Variants in GLIS3 observed in about 807,000 individuals in gnomAD.
The protein encoded by GLIS3 is zinc finger protein GLIS3.
A neutral mutation model predicts 78.6 loss-of-function variants in GLIS3; 53 were observed. The ratio of observed to expected loss-of-function variants is 0.67; its 90% CI spans 0.54 to 0.85. The LOEUF is 0.85. GLIS3 is among the 40% of genes least tolerant of loss of function. The pLI is 0.00. For missense variants in GLIS3, 1,703 were observed against 1,231.1 expected (o/e 1.38, Z -5.74); for synonymous variants, 684 against 509.9 (o/e 1.34, Z -4.60).
chr9:4,169,655 G>A (rs1445505806), intron 2 of GLIS3, among the ~76,000 whole-genome samples: 2 of 152,146 alleles, frequency 1.3e-5, no homozygotes, highest in African/African-American at 4.8e-5. Context: ...AAGAAAATGT[G>A]CATGTTTGTA....
chr9:4,230,362 C>T (rs1463965354), intron 2 of GLIS3, among the ~76,000 whole-genome samples: 1 of 152,134 alleles, frequency 6.6e-6, no homozygotes, highest in Non-Finnish European at 1.5e-5. Flanking sequence ...GTATGAGAAC[C>T]CAAACTACCA....
At chr9:4,405,781 GGTCA>G in the GLIS3 span, among the ~76,000 whole-genome samples, 3 of 151,374 alleles carry the variant, frequency 2.0e-5, no homozygotes, top group African/African-American at 7.3e-5. Context: ...AAAAACTACA[GGTCA>G]GTATCTCTGA....
chr9:4,459,116 G>A, the GLIS3 span, among the ~76,000 whole-genome samples: 1 of 152,300 alleles, frequency 6.6e-6, no homozygotes, highest in Admixed American at 6.5e-5. Flanking sequence ...CATGTGTAGG[G>A]GGCAAGAGTG....
intron 1 of GLIS3, among the ~76,000 whole-genome samples, chr9:4,290,144 A>G (rs1174438869): frequency 6.6e-6 from 1 of 152,194 alleles, no homozygotes; most frequent in Non-Finnish European, 1.5e-5. Context: ...AAATATCATT[A>G]ACAGACCCAT....
At chr9:4,350,790 G>GTTTGTTTTGT (rs71326104), upstream of GLIS3, among the ~76,000 whole-genome samples, 3 of 151,860 alleles carry the variant, frequency 2.0e-5, no homozygotes, top group East Asian at 3.9e-4. Context: ...AAACATCAGG[G>GTTTGTTTTGT]TTTGTTTTGT....
chr9:4,046,799 T>C (rs566058412), intron 4 of GLIS3, among the ~76,000 whole-genome samples: 25 of 152,268 alleles, frequency 1.6e-4, no homozygotes, highest in African/African-American at 5.5e-4. Flanking sequence ...TTGGCAAGTA[T>C]GGGTTGAGAG....
At chr9:4,253,539 T>C (rs1824603169) in intron 2 of GLIS3, among the ~76,000 whole-genome samples, 1 of 152,222 alleles carries the variant, frequency 6.6e-6, no homozygotes, top group African/African-American at 2.4e-5. Flanking sequence ...CTTGGCTTGC[T>C]GGGCTCTGTG....
intron 4 of GLIS3, among the ~76,000 whole-genome samples, chr9:4,100,895 T>C (rs1406678425): frequency 6.6e-6 from 1 of 152,134 alleles, no homozygotes; most frequent in African/African-American, 2.4e-5. Context: ...CCTGGAACCC[T>C]CTCGTTGTAC....
intron 4 of GLIS3, among the ~76,000 whole-genome samples, chr9:4,022,889 T>A (rs1004896114): frequency 1.3e-5 from 2 of 152,066 alleles, no homozygotes; most frequent in African/African-American, 4.8e-5. Context: ...AAAACCCAGA[T>A]CAGCGGCTGT....
chr9:4,298,145 G>C (rs554942623), intron 1 of GLIS3, among the ~76,000 whole-genome samples: 3 of 152,086 alleles, frequency 2.0e-5, no homozygotes, highest in Non-Finnish European at 4.4e-5. Flanking sequence ...AGGGTGCTGC[G>C]GCTGGGAAGC....
At chr9:3,926,962 C>T (rs1328731479) in intron 6 of GLIS3, among the ~76,000 whole-genome samples, 1 of 152,224 alleles carries the variant, frequency 6.6e-6, no homozygotes, top group Non-Finnish European at 1.5e-5. Flanking sequence ...GTTCCCACTA[C>T]AAATATGATC....
upstream of GLIS3, among the ~76,000 whole-genome samples, chr9:4,350,544 T>C (rs1313537964): frequency 1.3e-5 from 2 of 152,194 alleles, no homozygotes; most frequent in Non-Finnish European, 2.9e-5. Flanking sequence ...TTTAAAAATA[T>C]TTTTATTTTA....
At chr9:3,891,753 C>T (rs1173190088) in intron 7 of GLIS3, among the ~76,000 whole-genome samples, 1 of 152,110 alleles carries the variant, frequency 6.6e-6, no homozygotes, top group East Asian at 1.9e-4. Context: ...ATAGCTATGA[C>T]TCCGAACTGC....
At chr9:4,182,161 C>T (rs770217438) in intron 2 of GLIS3, among the ~76,000 whole-genome samples, 17 of 152,116 alleles carry the variant, frequency 1.1e-4, no homozygotes, top group South Asian at 1.0e-3. Context: ...GGTTTGTTAA[C>T]GTTATTGTTC....
intron 6 of GLIS3, among the ~76,000 whole-genome samples, chr9:3,928,207 A>G (rs973603864): frequency 1.3e-5 from 2 of 152,234 alleles, no homozygotes; most frequent in Non-Finnish European, 2.9e-5. Flanking sequence ...GGACTAGTTC[A>G]TCTTGAGATG....
At chr9:4,373,668 T>C in the GLIS3 span, among the ~76,000 whole-genome samples, 1 of 148,102 alleles carries the variant, frequency 6.8e-6, no homozygotes, top group Non-Finnish European at 1.5e-5. Context: ...TAATTTTCTT[T>C]TCTTTTTTTT....
chr9:3,887,187 A>G (rs1321153114), intron 7 of GLIS3, among the ~76,000 whole-genome samples: 3 of 152,192 alleles, frequency 2.0e-5, no homozygotes, highest in Non-Finnish European at 4.4e-5. Context: ...ATAAGAGGAT[A>G]ATGAAACAAT....
At chr9:4,068,325 T>A in intron 4 of GLIS3, among the ~76,000 whole-genome samples, 1 of 152,060 alleles carries the variant, frequency 6.6e-6, no homozygotes, top group East Asian at 1.9e-4. Context: ...TTACAGAGAA[T>A]CAGTAGTATT....
chr9:4,374,624 C>A, the GLIS3 span, among the ~76,000 whole-genome samples: 1 of 152,326 alleles, frequency 6.6e-6, no homozygotes, highest in Non-Finnish European at 1.5e-5. Context: ...TCCGACAAGG[C>A]TGTCAATCAG....
Sources: allele counts gnomAD v4.1 joint callset (sites outside exome capture counted in the v4.1 genomes callset), GRCh38; gene constraint gnomAD v4.1.1; transcripts MANE v1.5; gene names NCBI Gene and HGNC (gene_info 2026-07-23, HGNC 2026-07-21).